Variants in EVC2 observed in about 807,000 individuals in gnomAD.
EVC2 encodes the protein EvC ciliary complex subunit 2.
A neutral mutation model predicts 149.3 loss-of-function variants in EVC2; 148 were observed. The observed-to-expected ratio is 0.99, with a 90% confidence interval of 0.87 to 1.14. EVC2 has a LOEUF of 1.14. Ranked by LOEUF, EVC2 falls within the 50% of genes most tolerant of loss-of-function variation. The probability of loss-of-function intolerance (pLI) is 0.00; values close to 1 mark genes in which losing one functional copy is unlikely to be tolerated. For missense variants in EVC2, 1,854 were observed against 1,627.3 expected, an observed-to-expected ratio of 1.14 and a Z score of -2.40; for synonymous variants, 776 against 649.9, an observed-to-expected ratio of 1.19 and a Z score of -2.95.
chr4:5,684,797 A>C (rs558714322), intron 6 of EVC2, among the ~76,000 whole-genome samples: 8 of 152,252 alleles, frequency 5.3e-5, no homozygotes, highest in African/African-American at 1.9e-4. Flanking sequence ...AGGTAAAGTG[A>C]GGTTGCTAGG....
chr4:5,543,340 T>G, intron 21 of EVC2: 1 of 432,816 alleles, frequency 2.3e-6, no homozygotes, highest in East Asian at 7.5e-5. Context: ...AATGACACAG[T>G]GAAGATCAGG....
chr4:5,556,289 T>G (rs1721838890), intron 21 of EVC2, among the ~76,000 whole-genome samples: 1 of 141,636 alleles, frequency 7.1e-6, no homozygotes, highest in African/African-American at 2.7e-5. Context: ...TAAAGGGAAA[T>G]AAACAGAATA....
chr4:5,631,745 A>G, intron 11 of EVC2, 48 bp downstream of exon 11: 1 of 1,609,538 alleles, frequency 6.2e-7, no homozygotes, highest in South Asian at 1.1e-5. Context: ...ATTTACTGAA[A>G]CAATTCAGAA....
In EVC2 at chr4:5,576,475, G is replaced by C. The variant is rs759270450; in HGVS notation, c.3058-21C>G. On this transcript the variant is annotated intron_variant, in intron 17 of 21. Coordinates refer to ENST00000344408, the MANE Select transcript of EVC2 (RefSeq NM_147127.5). This position sits in a 1 kb window ranked among gnomAD's most constrained non-coding sequence, Gnocchi z 4.5. Reference sequence around the variant, plus strand: ...AGCTCCTACACAAGGAAGGGGCAGAGGGTAAGCACCACTGCACAAGGCGGG... The same window carrying C: ...AGCTCCTACACAAGGAAGGGGCAGACGGTAAGCACCACTGCACAAGGCGGG... 1 of 1,566,698 alleles carries C rather than the reference G, an allele frequency of 6.4e-7. No individual in the cohort carries two copies. The highest frequency in any genetic ancestry group is 8.6e-7 in the Non-Finnish European group (1 of 1,158,394).
chr4:5,602,204 T>C (rs1374441659), intron 16 of EVC2, among the ~76,000 whole-genome samples: 8 of 150,856 alleles, frequency 5.3e-5, no homozygotes, highest in Non-Finnish European at 1.0e-4. Flanking sequence ...GAAGAATCAC[T>C]TGTACCACCC....
chr4:5,681,332 A>G lies in EVC2; in HGVS notation c.817-19T>C. 6 of 1,614,166 alleles carry G rather than the reference A, an allele frequency of 3.7e-6. No homozygotes were observed. The highest frequency in any genetic ancestry group is 4.2e-6 in the Non-Finnish European group (5 of 1,179,986). On this transcript the variant is annotated intron_variant, in intron 6 of 21. Coordinates refer to ENST00000344408, the MANE Select transcript of EVC2 (RefSeq NM_147127.5). The stretch of plus-strand genomic sequence containing the variant: ...TTCTGTTCTAGAAAAGGAAAAAAGA[A>G]AACACTTTCAGCAACAGTTTGGGGT...
chr4:5,663,694 A>G (rs779729939), intron 8 of EVC2, among the ~76,000 whole-genome samples: 8 of 152,032 alleles, frequency 5.3e-5, no homozygotes, highest in Non-Finnish European at 1.0e-4. Flanking sequence ...GCTGAGGTGG[A>G]TGGATCACTT....
intron 10 of EVC2, among the ~76,000 whole-genome samples, chr4:5,635,083 CTGGAG>C (rs1716807422): frequency 7.8e-6 from 1 of 127,668 alleles, no homozygotes; most frequent in Non-Finnish European, 1.5e-5. Context: ...TTCGCCCAGG[CTGGAG>C]TGAAGTGCTG....
Position 5,633,744 on chromosome 4 carries a change from G to C in EVC2, c.1471-1712C>G, listed in dbSNP as rs1453473377. The stretch of plus-strand genomic sequence containing the variant: ...AAGGGGCTCCGGTGCACAGGGCAAA[G>C]GCCAGAGCTCCTTCAGGCTAAACAA... On this transcript the variant is annotated intron_variant, in intron 10 of 21. Coordinates refer to ENST00000344408, the MANE Select transcript of EVC2 (RefSeq NM_147127.5). The surrounding 1 kb of genome is among the most constrained non-coding windows in gnomAD (Gnocchi z 4.4). 1.3e-5 allele frequency among the ~76,000 whole-genome samples: 2 copies of C among 152,210 alleles called. No individual in the cohort carries two copies. The highest frequency in any genetic ancestry group is 6.5e-5 in the Admixed American group (1 of 15,286).
Position 5,640,524 on chromosome 4 carries a change from G to C in EVC2, c.1460C>G (p.Ala487Gly). The C allele has an allele frequency of 6.2e-7, 1 of 1,614,118 alleles. No individual in the cohort carries two copies. The change falls in exon 10 of 22, where the codon GCT becomes GGT. Residue 487 changes from alanine to glycine, a missense_variant. By Grantham distance (60) the Ala-to-Gly change is moderately conservative (BLOSUM62 0). Coordinates refer to ENST00000344408, the MANE Select transcript of EVC2 (RefSeq NM_147127.5). The surrounding 1 kb of genome is among the most constrained non-coding windows in gnomAD (Gnocchi z 4.6). ...MEEAEELLKR[A>G]GERSAVECSN... is the part of the protein sequence containing the mutation. ...TCAGACCTGTCTTACCCTCTCACCA[G>C]CACGTTTCAGCAACTCTTCTGCTTC...
rs1715481613 is a variant in EVC2, at chr4:5,618,940, G to A, written c.2502-258C>T. 6.6e-6 allele frequency among the ~76,000 whole-genome samples: 1 copy of A among 152,158 alleles called. No individual in the cohort carries two copies. The highest frequency in any genetic ancestry group is 2.1e-4 in the South Asian group (1 of 4,822). ...GAGGGTGCCTTTGAGGAGGCAACAG[G>A]CCTTCCAGTGCCCACGACCTTGCAA... On this transcript the variant is annotated intron_variant, in intron 14 of 21. Transcript: ENST00000344408. The surrounding 1 kb of genome is among the most constrained non-coding windows in gnomAD (Gnocchi z 4.4).
chr4:5,583,361 TG>T, intron 17 of EVC2, among the ~76,000 whole-genome samples: 1 of 152,368 alleles, frequency 6.6e-6, no homozygotes, highest in East Asian at 1.9e-4. Context: ...TTATCTAGCA[TG>T]ATAAAATGAG....
At chr4:5,632,919 C>A (rs796249050) in intron 10 of EVC2, among the ~76,000 whole-genome samples, 34 of 152,308 alleles carry the variant, frequency 2.2e-4, no homozygotes, top group African/African-American at 7.2e-4. Context: ...TAAATTCCCT[C>A]CCCTTGAGCA....
chr4:5,560,207 C>A (rs1418190691), downstream of EVC2, among the ~76,000 whole-genome samples: 1 of 152,022 alleles, frequency 6.6e-6, no homozygotes, highest in Non-Finnish European at 1.5e-5. The surrounding 1 kb of genome is among the most constrained non-coding windows in gnomAD (Gnocchi z 4.1). Context: ...GCTTCTCTCT[C>A]ATGAGTAGGC....
chr4:5,612,069 T>C (rs965538151), intron 16 of EVC2, among the ~76,000 whole-genome samples: 7 of 152,196 alleles, frequency 4.6e-5, no homozygotes, highest in African/African-American at 1.7e-4. Flanking sequence ...ATGTTAAATA[T>C]ACTCTTTTAA....
chr4:5,565,901 G>A (rs572650237), intron 20 of EVC2, among the ~76,000 whole-genome samples: 1 of 152,300 alleles, frequency 6.6e-6, no homozygotes, highest in African/African-American at 2.4e-5. Context: ...AGGCTGACGG[G>A]TTGGGGGAGT....
At chr4:5,532,173 C>A in the EVC2 span, among the ~76,000 whole-genome samples, 1 of 152,078 alleles carries the variant, frequency 6.6e-6, no homozygotes, top group East Asian at 1.9e-4. Flanking sequence ...ATTTGCAGGG[C>A]AAGCAGGAAG....
At chr4:5,584,242 C>T (rs765381895) in intron 17 of EVC2, among the ~76,000 whole-genome samples, 11 of 152,042 alleles carry the variant, frequency 7.2e-5, no homozygotes, top group East Asian at 5.8e-4. Flanking sequence ...TAGCATGTTG[C>T]GATAATGCTA....
At position 5,689,455 on chromosome 4, in the gene EVC2, C is replaced by A; in HGVS notation, c.520-112G>T. 2.8e-6 allele frequency: 3 copies of A among 1,054,232 alleles called. No homozygotes were observed. The East Asian group carries it at 7.5e-5, about 26-fold the overall frequency. 65.3% of individuals were successfully genotyped at this position (1,054,232 alleles called of 1,614,324 possible). A position where few individuals can be genotyped will look rare whatever the true frequency, so the allele number is the denominator to read the frequency against. On this transcript the variant is annotated intron_variant, in intron 4 of 21. Transcript: ENST00000344408. ...AGGCATCCAGGAAGAAGGAGGGTAG[C>A]ACGGTCTCGCAGAGGGCCTGGGAAT... is the stretch of plus-strand genomic sequence containing the variant.
Sources: allele counts gnomAD v4.1 joint callset (sites outside exome capture counted in the v4.1 genomes callset), GRCh38; gene constraint gnomAD v4.1.1; non-coding constraint Gnocchi (gnomAD v3.1); transcripts MANE v1.5; gene names NCBI Gene and HGNC (gene_info 2026-07-23, HGNC 2026-07-21).